The following UBXN7 variants were observed in gnomAD, a reference collection of about 807,000 sequenced individuals.
UBXN7 encodes UBX domain protein 7.
Under a neutral mutation model 58.0 loss-of-function variants are expected in UBXN7, and 9 were observed. The observed-to-expected ratio is 0.16, with a 90% CI of 0.09 to 0.27. UBXN7 has a LOEUF of 0.27. Ranked by LOEUF, UBXN7 falls within the 10% of genes least tolerant of loss-of-function variation. The pLI is 1.00. For missense variants in UBXN7, 328 were observed against 599.6 expected, an observed-to-expected ratio of 0.55 and a Z score of 4.73; for synonymous variants, 208 against 205.0, an observed-to-expected ratio of 1.01 and a Z score of -0.12.
chr3:196,375,441 AC>A (rs1480567022), intron 5 of UBXN7, among the ~76,000 whole-genome samples: 1 of 152,052 alleles, frequency 6.6e-6, no homozygotes, highest in African/African-American at 2.4e-5. Flanking sequence ...ACACAGCAAG[AC>A]CCCATCTCTA....
rs1728754568 is a variant in UBXN7, at chr3:196,369,311, T to A, written c.706+110A>T. 3.4e-6 allele frequency: 3 copies of A among 893,398 alleles called. No individual in the cohort carries two copies. The Admixed American group carries it at 7.6e-5, about 23-fold the overall frequency. The allele number at this position is 893,398 out of a possible 1,614,324, so 55.3% of individuals were successfully genotyped here. A position where few individuals can be genotyped will look rare whatever the true frequency, so the allele number is the denominator to read the frequency against. ...AAGGGAAAAAAACGAAACCTTCACCTAAATTACTGCAATTCTGAAAACAGA... is the reference window on the plus strand; with the variant it reads ...AAGGGAAAAAAACGAAACCTTCACCAAAATTACTGCAATTCTGAAAACAGA... On this transcript the variant is annotated intron_variant, in intron 7 of 10. Transcript: ENST00000296328.
intron 1 of UBXN7, among the ~76,000 whole-genome samples, chr3:196,429,054 G>A (rs1577484731): frequency 6.6e-6 from 1 of 151,348 alleles, no homozygotes; most frequent in African/African-American, 2.4e-5. Flanking sequence ...TAGGCCAGGC[G>A]CGGTGGCTCA....
At chr3:196,372,441 A>T in intron 5 of UBXN7, among the ~76,000 whole-genome samples, 1 of 150,846 alleles carries the variant, frequency 6.6e-6, no homozygotes, top group East Asian at 2.0e-4. Flanking sequence ...TCCTGAGTTC[A>T]AGTGATTCTC....
intron 1 of UBXN7, chr3:196,416,297 G>A (rs1388589924): frequency 1.3e-5 from 2 of 152,144 alleles, no homozygotes; most frequent in African/African-American, 4.8e-5. Context: ...CGGGCACGAT[G>A]GTGGGTGCGT....
intron 1 of UBXN7, among the ~76,000 whole-genome samples, chr3:196,421,379 T>C (rs1730677836): frequency 6.6e-6 from 1 of 152,154 alleles, no homozygotes; most frequent in Non-Finnish European, 1.5e-5. Flanking sequence ...AAGATAAAAA[T>C]ACAAATTCCA....
At chr3:196,425,426 T>A (rs746469697) in intron 1 of UBXN7, among the ~76,000 whole-genome samples, 1 of 152,014 alleles carries the variant, frequency 6.6e-6, no homozygotes, top group African/African-American at 2.4e-5. Context: ...CCTTTTTTAA[T>A]AAATAAAATT....
chr3:196,379,854 G>A (rs996508812), intron 5 of UBXN7, among the ~76,000 whole-genome samples: 3 of 151,958 alleles, frequency 2.0e-5, no homozygotes, highest in East Asian at 1.9e-4. Context: ...TTCTGTGGTC[G>A]CCAGAATGAT....
At chr3:196,402,531 T>C (rs895262887) in intron 3 of UBXN7, among the ~76,000 whole-genome samples, 1 of 152,210 alleles carries the variant, frequency 6.6e-6, no homozygotes, top group African/African-American at 2.4e-5. Context: ...CTATCCAGAT[T>C]CATATCACAA....
At chr3:196,407,486 A>C (rs1239822302) in intron 1 of UBXN7, 93 bp from the exon 2 acceptor site, 16 of 1,464,498 alleles carry the variant, frequency 1.1e-5, no homozygotes, top group African/African-American at 1.4e-5. Flanking sequence ...CAAGTAAATT[A>C]ATAGTATTTT....
intron 5 of UBXN7, among the ~76,000 whole-genome samples, chr3:196,383,511 A>C (rs1055895260): frequency 6.6e-6 from 1 of 152,210 alleles, no homozygotes; most frequent in Non-Finnish European, 1.5e-5. Context: ...TCTCAGCACC[A>C]CATCACACTT....
In UBXN7 at chr3:196,371,927, T is replaced by C; in HGVS notation, c.584A>G (p.Asn195Ser). 2 of 1,613,268 alleles carry C rather than the reference T, an allele frequency of 1.2e-6. No individual in the cohort carries two copies. The highest frequency in any genetic ancestry group is 1.7e-6 in the Non-Finnish European group (2 of 1,179,792). Reference sequence around the variant, plus strand: ...GAAAATGAAATGTTCCCGGATAATATTCTTCACAGCTTCGTTGCTCCACAC... The same window carrying C: ...GAAAATGAAATGTTCCCGGATAATACTCTTCACAGCTTCGTTGCTCCACAC... ...RDVWSNEAVKNIIREHFIFWQ... is the reference protein window; with the variant it reads ...RDVWSNEAVKSIIREHFIFWQ... The change falls in exon 6 of 11, where the codon AAT becomes AGT. Residue 195 changes from asparagine to serine, a missense_variant. Coordinates refer to ENST00000296328, the MANE Select transcript of UBXN7 (RefSeq NM_015562.2).
intron 1 of UBXN7, among the ~76,000 whole-genome samples, chr3:196,425,774 C>T (rs998853276): frequency 1.3e-5 from 2 of 152,196 alleles, no homozygotes; most frequent in African/African-American, 4.8e-5. Flanking sequence ...CCCAATTCCC[C>T]TCCAAGTCTC....
intron 1 of UBXN7, among the ~76,000 whole-genome samples, chr3:196,421,955 T>C (rs1730701816): frequency 6.6e-6 from 1 of 151,940 alleles, no homozygotes; most frequent in Non-Finnish European, 1.5e-5. Flanking sequence ...TCCCAACACT[T>C]TGGGAGGTTG....
chr3:196,371,871 A>G lies in UBXN7; in HGVS notation c.615+25T>C, dbSNP rs1577439626. ...CACTACAAAAGTAAAATTCTACAAA[A>G]CTTCTGATTAACTCTCCTTCTCACC... On this transcript the variant is annotated intron_variant, in intron 6 of 10. Coordinates refer to ENST00000296328, the MANE Select transcript of UBXN7 (RefSeq NM_015562.2). The G allele has an allele frequency of 1.9e-6, 3 of 1,599,976 alleles. No homozygotes were observed. The East Asian group carries it at 6.7e-5, about 36-fold the overall frequency.
intron 5 of UBXN7, among the ~76,000 whole-genome samples, chr3:196,385,730 C>T (rs1729362729): frequency 6.6e-6 from 1 of 151,238 alleles, no homozygotes; most frequent in South Asian, 2.1e-4. Context: ...CTACGCCCGG[C>T]AGCCGCCCAT....
At chr3:196,423,140 C>T (rs559208673) in intron 1 of UBXN7, among the ~76,000 whole-genome samples, 115 of 152,254 alleles carry the variant, frequency 7.6e-4, no homozygotes, top group Non-Finnish European at 1.2e-3. Context: ...GAGGACACAA[C>T]AGCCCAACCT....
At chr3:196,405,161 A>T (rs913318371) in intron 2 of UBXN7, among the ~76,000 whole-genome samples, 5 of 149,220 alleles carry the variant, frequency 3.4e-5, no homozygotes, top group African/African-American at 4.9e-5. Flanking sequence ...CTGTGTTTTT[A>T]AAAAAAGAGT....
intron 3 of UBXN7, among the ~76,000 whole-genome samples, chr3:196,396,548 G>T (rs146861931): frequency 1.3e-5 from 2 of 152,104 alleles, no homozygotes; most frequent in Non-Finnish European, 2.9e-5. Flanking sequence ...GGATCACGAG[G>T]TCGGGAGATT....
chr3:196,430,157 C>T (rs1730981134), intron 1 of UBXN7, among the ~76,000 whole-genome samples: 1 of 151,918 alleles, frequency 6.6e-6, no homozygotes, highest in Admixed American at 6.6e-5. Context: ...GAGTTCAAGA[C>T]CAGCCAGGCC....
Sources: allele counts gnomAD v4.1 joint callset (sites outside exome capture counted in the v4.1 genomes callset), GRCh38; gene constraint gnomAD v4.1.1; transcripts MANE v1.5; gene names NCBI Gene and HGNC (gene_info 2026-07-23, HGNC 2026-07-21).